RPSA2: variants seen among roughly 807,000 people sequenced by gnomAD.
RPSA2 encodes the protein small ribosomal subunit protein uS2B.
chr19:23,868,681 C>T, the RPSA2 span, among the ~76,000 whole-genome samples: 2 of 152,146 alleles, frequency 1.3e-5, no homozygotes, highest in African/African-American at 2.4e-5. Flanking sequence ...TATGGAAATC[C>T]CTGGAAGAAG....
chr19:23,852,483 A>G, the RPSA2 span, among the ~76,000 whole-genome samples: 2 of 152,350 alleles, frequency 1.3e-5, no homozygotes, highest in Middle Eastern at 3.4e-3. Flanking sequence ...CATTGTTTCT[A>G]TAGATGTTAA....
At chr19:23,867,473 G>A in the RPSA2 span, among the ~76,000 whole-genome samples, 1 of 152,152 alleles carries the variant, frequency 6.6e-6, no homozygotes, top group Non-Finnish European at 1.5e-5. Flanking sequence ...ATCAGAGTGG[G>A]AAAGGTTTAG....
At chr19:23,772,295 G>C in the RPSA2 span, among the ~76,000 whole-genome samples, 1 of 152,262 alleles carries the variant, frequency 6.6e-6, no homozygotes, top group South Asian at 2.1e-4. Context: ...TTTCAGGAGA[G>C]AATTGTAACA....
chr19:23,825,708 T>G, the RPSA2 span, among the ~76,000 whole-genome samples: 17,618 of 152,132 alleles, frequency 0.12, 1,082 homozygotes, highest in East Asian at 0.22. Context: ...TGCCTCAGCC[T>G]CCTATGTAGC....
chr19:23,826,897 G>T, the RPSA2 span, among the ~76,000 whole-genome samples: 127 of 151,616 alleles, frequency 8.4e-4, no homozygotes, highest in African/African-American at 2.9e-3. Context: ...CACCATTGTT[G>T]GTCTGGTTGA....
chr19:23,815,976 A>G, the RPSA2 span, among the ~76,000 whole-genome samples: 1 of 121,464 alleles, frequency 8.2e-6, no homozygotes, highest in Non-Finnish European at 1.7e-5. Context: ...TGTAGTTACT[A>G]TTTTCATAAA....
At chr19:23,799,177 C>G in the RPSA2 span, 1 of 152,114 alleles carries the variant, frequency 6.6e-6, no homozygotes. Flanking sequence ...TCAGTTTTTT[C>G]TTAAGATGCT....
the RPSA2 span, among the ~76,000 whole-genome samples, chr19:23,840,335 AT>A: frequency 2.0e-5 from 3 of 152,184 alleles, no homozygotes; most frequent in African/African-American, 7.2e-5. Flanking sequence ...GGCTTCTTAC[AT>A]ATCACAAATA....
chr19:23,870,352 T>C, the RPSA2 span, among the ~76,000 whole-genome samples: 2 of 151,914 alleles, frequency 1.3e-5, no homozygotes, highest in Non-Finnish European at 2.9e-5. Context: ...CATGGTTCTG[T>C]GGTTAGGGGA....
At chr19:23,808,606 AT>A in the RPSA2 span, 2 of 299,902 alleles carry the variant, frequency 6.7e-6, no homozygotes, top group Non-Finnish European at 1.3e-5. Flanking sequence ...AAATTAGTAT[AT>A]TGGGATAAAT....
chr19:23,788,743 T>G, the RPSA2 span, among the ~76,000 whole-genome samples: 1 of 152,190 alleles, frequency 6.6e-6, no homozygotes, highest in African/African-American at 2.4e-5. Context: ...TACATATTAT[T>G]GGGTCTGACA....
chr19:23,793,575 T>C, the RPSA2 span, among the ~76,000 whole-genome samples: 1 of 151,960 alleles, frequency 6.6e-6, no homozygotes, highest in Non-Finnish European at 1.5e-5. Flanking sequence ...CTTTTTTTTT[T>C]TCTTTTGAGA....
chr19:23,767,789 CAG>C, the RPSA2 span, among the ~76,000 whole-genome samples: 2 of 109,944 alleles, frequency 1.8e-5, no homozygotes, highest in Admixed American at 1.3e-4. Context: ...TTTTTTGAGA[CAG>C]AGTCTAGCTC....
the RPSA2 span, chr19:23,832,871 C>G: frequency 6.3e-7 from 1 of 1,577,304 alleles, no homozygotes; most frequent in Non-Finnish European, 8.6e-7. Context: ...AGAATTCATA[C>G]TGGAGAGAAA....
At chr19:23,785,128 G>A in the RPSA2 span, among the ~76,000 whole-genome samples, 1 of 152,120 alleles carries the variant, frequency 6.6e-6, no homozygotes, top group African/African-American at 2.4e-5. Flanking sequence ...CTCAAAAGAA[G>A]TGACTCTTTT....
At chr19:23,778,459 C>A in the RPSA2 span, among the ~76,000 whole-genome samples, 2 of 152,130 alleles carry the variant, frequency 1.3e-5, no homozygotes, top group African/African-American at 2.4e-5. Context: ...GGTTATCTGC[C>A]CACTTCGGCC....
the RPSA2 span, among the ~76,000 whole-genome samples, chr19:23,859,336 A>C: frequency 1.3e-5 from 2 of 152,176 alleles, no homozygotes; most frequent in African/African-American, 4.8e-5. Flanking sequence ...TATTTAAAAA[A>C]ATATTTCCCA....
At chr19:23,842,600 G>C in the RPSA2 span, 1 of 153,554 alleles carries the variant, frequency 6.5e-6, no homozygotes, top group Non-Finnish European at 1.5e-5. Context: ...GGAGGAGTGG[G>C]AATGTCTGAA....
the RPSA2 span, among the ~76,000 whole-genome samples, chr19:23,858,337 C>T: frequency 2.6e-5 from 4 of 152,028 alleles, no homozygotes; most frequent in African/African-American, 9.6e-5. Flanking sequence ...CCCTAAAAGC[C>T]CTGACTTCAC....
Sources: allele counts gnomAD v4.1 joint callset (sites outside exome capture counted in the v4.1 genomes callset), GRCh38; gene constraint gnomAD v4.1.1; transcripts MANE v1.5; gene names NCBI Gene and HGNC (gene_info 2026-07-23, HGNC 2026-07-21).